AGBL1: variants seen among roughly 807,000 people sequenced by gnomAD.
AGBL1 encodes cytosolic carboxypeptidase 4.
A neutral mutation model predicts 118.9 loss-of-function variants in AGBL1; 130 were observed. The ratio of observed to expected loss-of-function variants is 1.09; its 90% confidence interval spans 0.95 to 1.26. The LOEUF is 1.26. Among genes scored for constraint, AGBL1 ranks in the 50% most tolerant of loss-of-function variants. The pLI is 0.00. For synonymous variants in AGBL1, 555 were observed against 478.9 expected (o/e 1.16, Z -2.08); for missense variants, 1,584 against 1,298.1 (o/e 1.22, Z -3.38).
intron 17 of AGBL1, among the ~76,000 whole-genome samples, chr15:86,341,071 C>T (rs2080454494): frequency 6.6e-6 from 1 of 152,188 alleles, no homozygotes; most frequent in Non-Finnish European, 1.5e-5. Flanking sequence ...CCAGGCTTCT[C>T]ACATGCAAAG....
intron 18 of AGBL1, among the ~76,000 whole-genome samples, chr15:86,409,834 G>A (rs2081584988): frequency 1.3e-5 from 2 of 152,212 alleles, no homozygotes; most frequent in South Asian, 4.2e-4. Context: ...TCTGATGTCT[G>A]TCCGCATTCC....
intron 22 of AGBL1, among the ~76,000 whole-genome samples, chr15:86,788,421 T>C (rs370538931): frequency 1.3e-5 from 2 of 152,194 alleles, no homozygotes; most frequent in African/African-American, 4.8e-5. Flanking sequence ...GACTCATCTC[T>C]AATGAAGTCA....
intron 22 of AGBL1, among the ~76,000 whole-genome samples, chr15:86,856,390 A>G (rs2079480370): frequency 6.6e-6 from 1 of 152,216 alleles, no homozygotes; most frequent in African/African-American, 2.4e-5. Context: ...ATAAAATGGA[A>G]AAAAACCTTA....
chr15:86,682,088 G>C (rs369590295), intron 22 of AGBL1, among the ~76,000 whole-genome samples: 83 of 152,236 alleles, frequency 5.5e-4, no homozygotes, highest in African/African-American at 2.0e-3. Context: ...ATTCTATTCA[G>C]ATTTTAAAAA....
intron 16 of AGBL1, among the ~76,000 whole-genome samples, chr15:86,290,480 A>T (rs2079527169): frequency 6.6e-6 from 1 of 150,588 alleles, no homozygotes. Flanking sequence ...CCTCCCACGT[A>T]GCTGGGACCA....
At chr15:86,870,369 TTCCTCTTTC>T (rs2079703706) in intron 22 of AGBL1, among the ~76,000 whole-genome samples, 2 of 149,338 alleles carry the variant, frequency 1.3e-5, no homozygotes, top group South Asian at 4.2e-4. Context: ...GCTTTTCCAT[TTCCTCTTTC>T]TGCCTCAGAA....
At chr15:86,261,612 G>A (rs559475657) in intron 9 of AGBL1, among the ~76,000 whole-genome samples, 18 of 148,730 alleles carry the variant, frequency 1.2e-4, no homozygotes, top group African/African-American at 3.6e-4. Context: ...AAAACATATG[G>A]TATTTTTTTT....
chr15:87,008,042 G>A (rs559527078), intron 24 of AGBL1, among the ~76,000 whole-genome samples: 1 of 152,312 alleles, frequency 6.6e-6, no homozygotes, highest in South Asian at 2.1e-4. Context: ...AGGTGTGATG[G>A]TTAGTTTTAG....
intron 18 of AGBL1, among the ~76,000 whole-genome samples, chr15:86,422,111 C>T (rs942291535): frequency 3.3e-5 from 5 of 152,178 alleles, no homozygotes; most frequent in Non-Finnish European, 7.3e-5. Flanking sequence ...TAGACATCTA[C>T]AGAACTCTCG....
chr15:86,990,778 C>A (rs182103051), intron 24 of AGBL1, among the ~76,000 whole-genome samples: 6 of 152,258 alleles, frequency 3.9e-5, no homozygotes, highest in African/African-American at 1.4e-4. Context: ...CAAACAAGGT[C>A]TACCTCCGAA....
rs79806625 is a variant in AGBL1 at position 86,499,989 on chromosome 15, T to C, written c.2556-22821T>C. Among the ~76,000 whole-genome samples, 74 of 152,008 alleles carry C rather than the reference T, an allele frequency of 4.9e-4. 1 individual carries two copies. In the East Asian group the frequency reaches 0.012, roughly 24 times the overall value. On this transcript the variant is annotated intron_variant, in intron 18 of 22. Coordinates refer to ENST00000614907, the MANE Select transcript of AGBL1 (RefSeq NM_001386094.1). ...TAGCAGCTTTACAGGTGTGACTCTC[T>C]TGGTTACTGAAAGAGCTTGTCAGTT...
At chr15:86,777,526 T>C (rs16977976) in intron 22 of AGBL1, among the ~76,000 whole-genome samples, 13,942 of 152,116 alleles carry the variant, frequency 0.092, 837 homozygotes, top group East Asian at 0.15. Flanking sequence ...AAGATCTTTT[T>C]GGAATTTTAA....
intron 18 of AGBL1, among the ~76,000 whole-genome samples, chr15:86,417,312 C>T (rs983038536): frequency 3.3e-5 from 5 of 152,172 alleles, no homozygotes; most frequent in African/African-American, 1.2e-4. Context: ...GAAGACTACC[C>T]TCATATCACC....
chr15:86,088,988 C>T (rs1232011311), intron 1 of AGBL1, among the ~76,000 whole-genome samples: 1 of 152,110 alleles, frequency 6.6e-6, no homozygotes, highest in Non-Finnish European at 1.5e-5. Context: ...ATGGTAGGTG[C>T]TCAATAAATG....
chr15:86,551,998 G>A (rs887153592), intron 20 of AGBL1, among the ~76,000 whole-genome samples: 1 of 152,034 alleles, frequency 6.6e-6, no homozygotes, highest in African/African-American at 2.4e-5. Flanking sequence ...GGAAAAATAG[G>A]TGGAACACAG....
intron 22 of AGBL1, among the ~76,000 whole-genome samples, chr15:86,769,594 G>A (rs777748639): frequency 2.6e-5 from 4 of 151,982 alleles, no homozygotes; most frequent in Non-Finnish European, 5.9e-5. Flanking sequence ...CCCTGGCCTG[G>A]CCACCTGCAG....
intron 18 of AGBL1, among the ~76,000 whole-genome samples, chr15:86,488,738 G>A (rs1440881560): frequency 6.6e-6 from 1 of 151,502 alleles, no homozygotes; most frequent in African/African-American, 2.4e-5. Context: ...ACAACTCATC[G>A]CCCCTCTCTA....
Position 86,790,343 on chromosome 15 carries a change from AACAC to A in AGBL1, c.3158+115928_3158+115931del, listed in dbSNP as rs4035430. On this transcript the variant is annotated intron_variant, in intron 22 of 22. Transcript: ENST00000614907. ...GCCATGGGTATATTTTTGTCCTTCAAACACACACACACACACACACACACGCATG... is the reference window on the plus strand; with the variant it reads ...GCCATGGGTATATTTTTGTCCTTCAAACACACACACACACACACACGCATG... 6.7e-3 allele frequency among the ~76,000 whole-genome samples: 1,004 copies of A among 148,954 alleles called. 9 individuals carry two copies. Among genetic ancestry groups the A allele is most frequent in the African/African-American group, 0.018 (737 of 40,644 alleles).
intron 18 of AGBL1, among the ~76,000 whole-genome samples, chr15:86,418,263 T>A (rs891885847): frequency 6.6e-6 from 1 of 152,238 alleles, no homozygotes; most frequent in Non-Finnish European, 1.5e-5. Context: ...TTAGTTATGA[T>A]CATTCAACCA....
Sources: gnomAD v4.1 joint callset for allele counts (sites outside exome capture counted in the v4.1 genomes callset) on GRCh38, gnomAD v4.1.1 for gene constraint, MANE v1.5 for transcripts, NCBI Gene and HGNC (gene_info 2026-07-23, HGNC 2026-07-21) for gene names.